Variants in NPIPB11 observed in about 807,000 individuals in gnomAD.
NPIPB11 encodes the protein nuclear pore complex-interacting protein family member B11.
A neutral mutation model predicts 32.8 loss-of-function variants in NPIPB11; 17 were observed. The ratio of observed to expected loss-of-function variants is 0.52; its 90% CI spans 0.35 to 0.78. The LOEUF (loss-of-function observed/expected upper bound fraction) is 0.78, where lower values mean the gene tolerates loss of function less well. NPIPB11 is among the 30% of genes least tolerant of loss of function. The pLI is 0.01. For missense variants in NPIPB11, 537 were observed against 1,000.4 expected (o/e 0.54, Z 6.25); for synonymous variants, 209 against 398.4 (o/e 0.52, Z 5.66).
At chr16:29,390,657 C>CACACACAT (rs1468093542) in intron 3 of NPIPB11, among the ~76,000 whole-genome samples, 3 of 150,612 alleles carry the variant, frequency 2.0e-5, no homozygotes, top group African/African-American at 7.3e-5. Flanking sequence ...GTCACATACA[C>CACACACAT]ACACACACAC....
Position 29,383,378 on chromosome 16 carries a change from AGGTG to A in NPIPB11, c.1550_1553del (p.Thr517IlefsTer79). 2.5e-6 allele frequency: 1 copy of A among 407,290 alleles called. No individual in the cohort carries two copies. The highest frequency in any genetic ancestry group is 3.9e-6 in the Non-Finnish European group (1 of 254,782). 25.2% of individuals were successfully genotyped at this position (407,290 alleles called of 1,614,324 possible). ...GAAGGGGAGTGAGCTGACGCTCAGA[AGGTG>A]TCTTGAGATTATCATCCGCTGAGGG... On this transcript the variant is annotated frameshift_variant, in exon 8 of 8. Coordinates refer to ENST00000524087, the Ensembl canonical transcript of NPIPB11. LOFTEE classifies it low-confidence loss of function (END_TRUNC).
At chr16:29,402,716 CTCTCTCTCTG>C (rs1411875976) in intron 2 of NPIPB11, among the ~76,000 whole-genome samples, 3 of 127,586 alleles carry the variant, frequency 2.4e-5, no homozygotes, top group African/African-American at 3.4e-5. Context: ...CTCTCTCTCT[CTCTCTCTCTG>C]TGTGTGTGTG....
chr16:29,391,054 G>A (rs1017682221), intron 3 of NPIPB11, among the ~76,000 whole-genome samples: 6 of 150,866 alleles, frequency 4.0e-5, no homozygotes, highest in Admixed American at 3.3e-4. Flanking sequence ...GAATCACAAG[G>A]TCAAGAGATG....
intron 2 of NPIPB11, among the ~76,000 whole-genome samples, chr16:29,403,004 T>G (rs566768987): frequency 2.6e-5 from 4 of 151,208 alleles, no homozygotes; most frequent in Non-Finnish European, 4.4e-5. Flanking sequence ...CTATAGAATG[T>G]ATTTATTATG....
chr16:29,401,272 CTCT>C (rs1963985221), intron 2 of NPIPB11, among the ~76,000 whole-genome samples: 2 of 152,112 alleles, frequency 1.3e-5, no homozygotes, highest in Admixed American at 1.3e-4. Context: ...GGAATTTTTA[CTCT>C]TGATATCCTT....
Position 29,389,952 on chromosome 16 carries a change from G to C in NPIPB11, c.534C>G (p.Thr178=), listed in dbSNP as rs531576797. The change falls in exon 5 of 8, where the codon ACC becomes ACG. Residue 178 remains threonine (T), a synonymous_variant. Coordinates refer to ENST00000524087, the Ensembl canonical transcript of NPIPB11. The stretch of plus-strand genomic sequence containing the variant: ...AAGGCACATCTTACTGTTTTCTGGC[G>C]GTCTTCCTCTTTCCATTGATTTTGT... The C allele has an allele frequency of 5.7e-6, 9 of 1,591,216 alleles. No individual in the cohort carries two copies. The African/African-American group carries it at 9.5e-5, about 17-fold the overall frequency.
At chr16:29,389,740 C>T (rs1292914324) in intron 5 of NPIPB11, among the ~76,000 whole-genome samples, 5 of 148,078 alleles carry the variant, frequency 3.4e-5, no homozygotes, top group Admixed American at 1.4e-4. Flanking sequence ...CTCCTCTTCC[C>T]CCGAAAAAAT....
chr16:29,402,724 C>CTG (rs71214272), intron 2 of NPIPB11, among the ~76,000 whole-genome samples: 8,780 of 119,440 alleles, frequency 0.074, 393 homozygotes, highest in Non-Finnish European at 0.1. Flanking sequence ...CTCTCTCTCT[C>CTG]TGTGTGTGTG....
At chr16:29,399,363 C>T (rs1963935189) in intron 2 of NPIPB11, among the ~76,000 whole-genome samples, 1 of 148,864 alleles carries the variant, frequency 6.7e-6, no homozygotes, top group Admixed American at 6.8e-5. Flanking sequence ...AAGCCAATGC[C>T]TTTACCATAA....
chr16:29,401,231 C>T (rs1963984295), intron 2 of NPIPB11, among the ~76,000 whole-genome samples: 1 of 152,036 alleles, frequency 6.6e-6, no homozygotes, highest in Admixed American at 6.6e-5. Context: ...AAAAATAGTG[C>T]CTGGATTTAA....
intron 2 of NPIPB11, among the ~76,000 whole-genome samples, chr16:29,402,690 G>T (rs1337764614): frequency 5.0e-5 from 7 of 140,426 alleles, no homozygotes; most frequent in Non-Finnish European, 7.8e-5. Flanking sequence ...GCGACAGAGT[G>T]AAACTCTGTC....
chr16:29,393,795 T>TA (rs1334686685), intron 3 of NPIPB11, among the ~76,000 whole-genome samples, 153 bp downstream of exon 3: 2 of 152,214 alleles, frequency 1.3e-5, no homozygotes, highest in Non-Finnish European at 2.9e-5. Context: ...AAATGGCAGA[T>TA]ATTTTCATAA....
At chr16:29,390,470 T>G (rs537116581) in intron 3 of NPIPB11, 122 bp from the exon 4 acceptor site, 27 of 1,475,506 alleles carry the variant, frequency 1.8e-5, no homozygotes, top group African/African-American at 2.8e-5. Flanking sequence ...CTGGCCAAGA[T>G]GGTGAAACCC....
At chr16:29,391,265 CAA>C (rs1182475033) in intron 3 of NPIPB11, among the ~76,000 whole-genome samples, 205 of 85,286 alleles carry the variant, frequency 2.4e-3, no homozygotes, top group Middle Eastern at 0.018. Context: ...GACTCCGTCT[CAA>C]AAAAAAAAAA....
Position 29,383,261 on chromosome 16 carries a change from G to C in NPIPB11, c.1671C>G (p.Leu557=), listed in dbSNP as rs1202667840. The C allele has an allele frequency of 3.2e-6, 5 of 1,567,748 alleles. No individual in the cohort carries two copies. In the Admixed American group the frequency reaches 6.9e-5, roughly 21 times the overall value. Residue 557 remains leucine, a synonymous_variant, in exon 8 of 8, where the codon CTC becomes CTG. Coordinates refer to ENST00000524087, the Ensembl canonical transcript of NPIPB11. ...TGAGCTGACGCTCGGAAGGTGTCTT[G>C]AGATTATCATCCGCTGAGGGTGGAA... is the stretch of plus-strand genomic sequence containing the variant.
intron 3 of NPIPB11, among the ~76,000 whole-genome samples, chr16:29,392,079 A>T (rs1963736235): frequency 6.6e-6 from 1 of 151,848 alleles, no homozygotes; most frequent in African/African-American, 2.4e-5. Context: ...TGCACATAGG[A>T]TAAAAAAAAA....
At chr16:29,406,524 C>T (rs1291470359), upstream of NPIPB11, among the ~76,000 whole-genome samples, 2 of 152,260 alleles carry the variant, frequency 1.3e-5, no homozygotes, top group Admixed American at 1.3e-4. Context: ...TCCAGACCAG[C>T]CTAATAGAGT....
At chr16:29,394,140 G>A in intron 2 of NPIPB11, 64 bp from the exon 3 acceptor site, 2 of 1,560,986 alleles carry the variant, frequency 1.3e-6, no homozygotes, top group Non-Finnish European at 1.7e-6. Flanking sequence ...CACTCAGAAA[G>A]AATCATCCTT....
chr16:29,403,561 GGAA>G, intron 2 of NPIPB11, 119 bp downstream of exon 2: 1 of 613,436 alleles, frequency 1.6e-6, no homozygotes, highest in Non-Finnish European at 2.8e-6. Context: ...AAGAAAAAGA[GGAA>G]GAAGCCAGTA....
Sources: allele counts gnomAD v4.1 joint callset (sites outside exome capture counted in the v4.1 genomes callset), GRCh38; gene constraint gnomAD v4.1.1; transcripts MANE v1.5; gene names NCBI Gene and HGNC (gene_info 2026-07-23, HGNC 2026-07-21).